The following CDH13 variants were observed in gnomAD, a reference collection of about 807,000 sequenced individuals.
The protein encoded by CDH13 is cadherin-13.
CDH13 carries 24 observed loss-of-function variants against 63.8 expected under a neutral mutation model. That is an observed-to-expected ratio of 0.38 (90% CI 0.27 to 0.53). The LOEUF (loss-of-function observed/expected upper bound fraction) is 0.53. CDH13 is among the 20% of genes least tolerant of loss of function. The pLI, the probability that CDH13 is intolerant of heterozygous loss-of-function variation, is 0.85. For synonymous variants in CDH13, 503 were observed against 355.3 expected (o/e 1.42, Z -4.67); for missense variants, 1,049 against 903.1 (o/e 1.16, Z -2.07).
At chr16:83,142,401 C>A (rs576283552) in intron 4 of CDH13, among the ~76,000 whole-genome samples, 31 of 151,894 alleles carry the variant, frequency 2.0e-4, no homozygotes, top group Non-Finnish European at 4.1e-4. Context: ...TCCTCAGGAC[C>A]CACCTGGGCC....
intron 6 of CDH13, among the ~76,000 whole-genome samples, chr16:83,415,882 T>C (rs1168918895): frequency 5.3e-5 from 8 of 152,146 alleles, no homozygotes; most frequent in Admixed American, 3.9e-4. Context: ...CTATTCAACA[T>C]AGTCCTGGAA....
At position 83,523,292 on chromosome 16, in the gene CDH13, T is replaced by A. The variant is rs555613501; in HGVS notation, c.960+36637T>A. Among the ~76,000 whole-genome samples, 3 of 152,344 alleles carry A rather than the reference T, an allele frequency of 2.0e-5. 1 individual carries two copies. In the South Asian group the frequency reaches 6.2e-4, roughly 32 times the overall value. On this transcript the variant is annotated intron_variant, in intron 7 of 13. Transcript: ENST00000567109. ...TAGGTGCTCAGCTAGCATTTTTGAA[T>A]AAATAAATGAGTGCATGGATGGAAG...
At chr16:83,071,880 G>C (rs1309555707) in intron 3 of CDH13, among the ~76,000 whole-genome samples, 2 of 152,068 alleles carry the variant, frequency 1.3e-5, no homozygotes, top group Non-Finnish European at 2.9e-5. Flanking sequence ...TAGATTATAA[G>C]TAAAATACAC....
intron 4 of CDH13, among the ~76,000 whole-genome samples, chr16:83,136,486 C>CAAAAAAA (rs542700844): frequency 1.6e-5 from 1 of 61,536 alleles, no homozygotes. Context: ...ACTCTGTCTC[C>CAAAAAAA]AAAAAAAAAA....
chr16:83,355,043 A>T (rs965422231), intron 6 of CDH13, among the ~76,000 whole-genome samples: 9 of 152,146 alleles, frequency 5.9e-5, no homozygotes, highest in Admixed American at 1.3e-4. Flanking sequence ...ATACATTTTG[A>T]TTACATTTTA....
At chr16:83,383,445 C>G (rs1404825655) in intron 6 of CDH13, among the ~76,000 whole-genome samples, 3 of 152,192 alleles carry the variant, frequency 2.0e-5, no homozygotes, top group South Asian at 4.1e-4. Flanking sequence ...CAAGCCTTGA[C>G]TCACCTGCCA....
Position 83,399,270 on chromosome 16 carries a change from TATG to T in CDH13, c.781+54270_781+54272del, listed in dbSNP as rs1157075508. On this transcript the variant is annotated intron_variant, in intron 6 of 13. Transcript: ENST00000567109. Reference sequence around the variant, plus strand: ...TTGTCCTAATAATTAGCAGGCTTATTATGATGATCAATTAAGAGTACTTTGTAA... The same window carrying T: ...TTGTCCTAATAATTAGCAGGCTTATTATGATCAATTAAGAGTACTTTGTAA... Among the ~76,000 whole-genome samples the T allele has an allele frequency of 2.6e-5, 4 of 152,368 alleles. No homozygotes were observed. In the East Asian group the frequency reaches 7.7e-4, roughly 29 times the overall value.
At chr16:82,699,442 C>G (rs2030720967) in intron 1 of CDH13, among the ~76,000 whole-genome samples, 1 of 152,160 alleles carries the variant, frequency 6.6e-6, no homozygotes. Flanking sequence ...TGAGAGGAGG[C>G]TGATTTCAAG....
intron 5 of CDH13, among the ~76,000 whole-genome samples, chr16:83,219,585 A>G (rs1208593013): frequency 1.3e-5 from 2 of 152,234 alleles, no homozygotes; most frequent in South Asian, 2.1e-4. Context: ...GGTGACAATA[A>G]TCAATGATAT....
intron 7 of CDH13, among the ~76,000 whole-genome samples, chr16:83,574,714 A>G (rs1567776891): frequency 6.6e-6 from 1 of 152,160 alleles, no homozygotes; most frequent in African/African-American, 2.4e-5. Flanking sequence ...TTCGCGAATC[A>G]CGACCAAGTC....
chr16:82,777,334 A>T (rs2035545470), intron 1 of CDH13, among the ~76,000 whole-genome samples: 1 of 152,206 alleles, frequency 6.6e-6, no homozygotes, highest in Non-Finnish European at 1.5e-5. Flanking sequence ...ACTTGATGTG[A>T]GTCAGATAGT....
At chr16:83,420,098 T>TA (rs1567660221) in intron 6 of CDH13, among the ~76,000 whole-genome samples, 1 of 152,020 alleles carries the variant, frequency 6.6e-6, no homozygotes, top group East Asian at 1.9e-4. Context: ...ATGAGCAGAA[T>TA]AAAAAATATA....
At chr16:82,695,012 G>C (rs553555462) in intron 1 of CDH13, among the ~76,000 whole-genome samples, 1 of 152,164 alleles carries the variant, frequency 6.6e-6, no homozygotes, top group African/African-American at 2.4e-5. Flanking sequence ...GGAGGGTGGA[G>C]ACAGGAGGCA....
chr16:82,944,395 C>G (rs1269120798), intron 2 of CDH13, among the ~76,000 whole-genome samples: 2 of 152,124 alleles, frequency 1.3e-5, no homozygotes, highest in Non-Finnish European at 2.9e-5. Flanking sequence ...TTGTTGATCT[C>G]TCAACAGAAC....
At chr16:83,441,783 A>G (rs1449892337) in intron 6 of CDH13, among the ~76,000 whole-genome samples, 1 of 152,176 alleles carries the variant, frequency 6.6e-6, no homozygotes, top group Non-Finnish European at 1.5e-5. Flanking sequence ...AGTAAATGTG[A>G]TGATGATTCA....
At chr16:83,092,670 A>G (rs1335349636) in intron 3 of CDH13, among the ~76,000 whole-genome samples, 1 of 152,128 alleles carries the variant, frequency 6.6e-6, no homozygotes, top group Non-Finnish European at 1.5e-5. Flanking sequence ...TGGCTGTACA[A>G]TTCTGTTTTC....
intron 5 of CDH13, among the ~76,000 whole-genome samples, chr16:83,274,065 G>A (rs1425446576): frequency 6.6e-6 from 1 of 152,164 alleles, no homozygotes; most frequent in Non-Finnish European, 1.5e-5. Flanking sequence ...TATGACAACA[G>A]CCTCTTCAAG....
chr16:82,790,341 A>G (rs146159956), intron 1 of CDH13, among the ~76,000 whole-genome samples: 9,195 of 152,178 alleles, frequency 0.06, 316 homozygotes, highest in Non-Finnish European at 0.072. Flanking sequence ...AGGTTGAGGC[A>G]GGAGAATTGC....
chr16:83,042,534 A>G (rs1567774288), intron 3 of CDH13, among the ~76,000 whole-genome samples: 2 of 152,206 alleles, frequency 1.3e-5, no homozygotes, highest in Admixed American at 1.3e-4. Flanking sequence ...CTCATTGTAT[A>G]TTACAATTAA....
Sources: gnomAD v4.1 joint callset for allele counts (sites outside exome capture counted in the v4.1 genomes callset) on GRCh38, gnomAD v4.1.1 for gene constraint, MANE v1.5 for transcripts, NCBI Gene and HGNC (gene_info 2026-07-23, HGNC 2026-07-21) for gene names.